ODAD2: variants seen among roughly 807,000 people sequenced by gnomAD.
ODAD2 encodes the protein outer dynein arm docking complex subunit 2.
Under a neutral mutation model 106.8 loss-of-function variants are expected in ODAD2, and 89 were observed. That is an observed-to-expected ratio of 0.83 (90% CI 0.70 to 0.99). ODAD2 has a LOEUF of 0.99. Ranked by LOEUF, ODAD2 falls within the 50% of genes least tolerant of loss-of-function variation. The probability of loss-of-function intolerance (pLI) is 0.00; values close to 1 mark genes in which losing one functional copy is unlikely to be tolerated. For synonymous variants in ODAD2, 404 were observed against 436.2 expected (o/e 0.93, Z 0.92); for missense variants, 1,168 against 1,238.5 (o/e 0.94, Z 0.85).
intron 8 of ODAD2, among the ~76,000 whole-genome samples, chr10:27,969,355 C>A (rs1848678936): frequency 6.6e-6 from 1 of 152,194 alleles, no homozygotes; most frequent in African/African-American, 2.4e-5. Flanking sequence ...CTTCCCCACC[C>A]AACGTTGCAA....
intron 16 of ODAD2, among the ~76,000 whole-genome samples, chr10:27,920,152 C>T (rs947566353): frequency 2.0e-5 from 3 of 151,842 alleles, no homozygotes; most frequent in African/African-American, 7.3e-5. Flanking sequence ...GCTGTGAGGA[C>T]GGGCAGCCGG....
chr10:27,826,721 T>G (rs1055439208), intron 19 of ODAD2, among the ~76,000 whole-genome samples: 3 of 152,130 alleles, frequency 2.0e-5, no homozygotes, highest in Admixed American at 2.0e-4. Flanking sequence ...GGAAGCTGAC[T>G]GCGCCATTAA....
intron 19 of ODAD2, among the ~76,000 whole-genome samples, chr10:27,855,618 C>T (rs747252160): frequency 1.6e-4 from 25 of 152,152 alleles, no homozygotes; most frequent in Non-Finnish European, 2.8e-4. Flanking sequence ...GTTTACTTGA[C>T]TCACAAACAT....
intron 2 of ODAD2, among the ~76,000 whole-genome samples, chr10:27,989,582 A>C (rs781019118): frequency 6.6e-6 from 1 of 152,222 alleles, no homozygotes; most frequent in Non-Finnish European, 1.5e-5. Context: ...AAGCTACTTA[A>C]CTAGAGAGAG....
rs1225893538 is a variant in ODAD2 at position 27,827,379 on chromosome 10, CTATATATATAT to C, written c.3022-14765_3022-14755del. ...AGACACACACATACACACACACACACTATATATATATATATATATATATATATATATATTCC... is the reference window on the plus strand; with the variant it reads ...AGACACACACATACACACACACACACATATATATATATATATATATATTCC... On this transcript the variant is annotated intron_variant, in intron 19 of 19. Transcript: ENST00000305242. Among the ~76,000 whole-genome samples the C allele has an allele frequency of 6.0e-5, 8 of 132,470 alleles. No individual in the cohort carries two copies. In the East Asian group the frequency reaches 1.1e-3, roughly 18 times the overall value. 86.9% of individuals were successfully genotyped at this position (132,470 alleles called of 152,430 possible). A position where few individuals can be genotyped will look rare whatever the true frequency, so the allele number is the denominator to read the frequency against.
At chr10:27,889,157 A>G (rs1022256327) in intron 17 of ODAD2, among the ~76,000 whole-genome samples, 8 of 152,190 alleles carry the variant, frequency 5.3e-5, no homozygotes, top group Admixed American at 4.6e-4. Flanking sequence ...GAGATAGAAA[A>G]ACATTACTAC....
At chr10:27,827,478 T>C (rs1837159500) in intron 19 of ODAD2, among the ~76,000 whole-genome samples, 1 of 150,222 alleles carries the variant, frequency 6.7e-6, no homozygotes, top group African/African-American at 2.5e-5. Flanking sequence ...AGCTCTCATT[T>C]CCCCCCACAA....
chr10:27,865,210 G>A (rs781779525), intron 17 of ODAD2, among the ~76,000 whole-genome samples: 2 of 152,110 alleles, frequency 1.3e-5, no homozygotes, highest in African/African-American at 2.4e-5. Context: ...CTGAGCCAGT[G>A]GCTCTCTATG....
chr10:27,819,876 T>C (rs1365290537), intron 19 of ODAD2, among the ~76,000 whole-genome samples: 1 of 152,062 alleles, frequency 6.6e-6, no homozygotes, highest in African/African-American at 2.4e-5. Flanking sequence ...TCAAGTGCTA[T>C]TGGGTTGCTA....
chr10:27,934,946 T>C, intron 16 of ODAD2, 64 bp downstream of exon 16: 1 of 1,574,356 alleles, frequency 6.4e-7, no homozygotes, highest in Non-Finnish European at 8.7e-7. Context: ...GACACTATTC[T>C]GTGACCTCCC....
rs112223562 is a variant in ODAD2, at chr10:27,855,683, G to A, written c.3021+4942C>T. 7.5e-3 allele frequency among the ~76,000 whole-genome samples: 1,143 copies of A among 152,230 alleles called. 6 individuals carry two copies. The highest frequency in any genetic ancestry group is 0.011 in the Non-Finnish European group (767 of 68,012). ...CTTCAAAAACGATGGGTGTGTTTGC[G>A]TCTGGGATCATCTTTCTGGCTCTCT... is the stretch of plus-strand genomic sequence containing the variant. On this transcript the variant is annotated intron_variant, in intron 19 of 19. Transcript: ENST00000305242.
chr10:27,927,419 A>G (rs1845329260), intron 16 of ODAD2, among the ~76,000 whole-genome samples: 1 of 152,186 alleles, frequency 6.6e-6, no homozygotes, highest in African/African-American at 2.4e-5. Context: ...CTTACCATGT[A>G]AGACTTAAAG....
intron 9 of ODAD2, among the ~76,000 whole-genome samples, chr10:27,965,404 A>G (rs1262848026): frequency 6.6e-6 from 1 of 152,180 alleles, no homozygotes; most frequent in Non-Finnish European, 1.5e-5. Flanking sequence ...GCTTTGGTGC[A>G]TAGGGTGAGG....
chr10:27,823,387 A>T (rs1836765264), intron 19 of ODAD2, among the ~76,000 whole-genome samples: 2 of 152,210 alleles, frequency 1.3e-5, no homozygotes, highest in Admixed American at 6.5e-5. Context: ...CCCATAGATT[A>T]TGCAGTAAAG....
At chr10:27,885,509 CAAAAAAAAA>C (rs781326915) in intron 17 of ODAD2, among the ~76,000 whole-genome samples, 2,698 of 19,668 alleles carry the variant, frequency 0.14, 290 homozygotes, top group Middle Eastern at 0.25. Flanking sequence ...GACTCCATCT[CAAAAAAAAA>C]AAAAAAAAAA....
intron 16 of ODAD2, among the ~76,000 whole-genome samples, chr10:27,923,319 A>G (rs767565321): frequency 6.0e-5 from 9 of 151,046 alleles, no homozygotes; most frequent in Non-Finnish European, 1.3e-4. Context: ...TATATCAAGC[A>G]AATGGAAACA....
At chr10:27,839,041 T>C (rs1838114839) in intron 19 of ODAD2, among the ~76,000 whole-genome samples, 1 of 152,178 alleles carries the variant, frequency 6.6e-6, no homozygotes, top group Non-Finnish European at 1.5e-5. Context: ...ACTGTTCAAT[T>C]TAGGCAAGAT....
At chr10:27,842,381 T>C (rs975388388) in intron 19 of ODAD2, among the ~76,000 whole-genome samples, 5 of 152,220 alleles carry the variant, frequency 3.3e-5, no homozygotes, top group African/African-American at 1.2e-4. Context: ...GTGAAGAATG[T>C]CATTTTCTGG....
At chr10:27,826,955 C>T (rs1837091697) in intron 19 of ODAD2, among the ~76,000 whole-genome samples, 1 of 152,050 alleles carries the variant, frequency 6.6e-6, no homozygotes, top group Non-Finnish European at 1.5e-5. Context: ...CCAAGGGTGA[C>T]CTCCACTTGC....
Sources: gnomAD v4.1 joint callset for allele counts (sites outside exome capture counted in the v4.1 genomes callset) on GRCh38, gnomAD v4.1.1 for gene constraint, MANE v1.5 for transcripts, NCBI Gene and HGNC (gene_info 2026-07-23, HGNC 2026-07-21) for gene names.